The following CHM variants were observed in gnomAD, a reference collection of about 807,000 sequenced individuals.
CHM encodes rab proteins geranylgeranyltransferase component A 1.
CHM carries 10 observed loss-of-function variants against 49.0 expected under a neutral mutation model. The ratio of observed to expected loss-of-function variants is 0.20; its 90% CI spans 0.13 to 0.35. The LOEUF (loss-of-function observed/expected upper bound fraction) is 0.35. CHM is among the 10% of genes least tolerant of loss of function. The pLI is 1.00. For missense variants in CHM, 455 were observed against 478.4 expected (o/e 0.95, Z 0.46); for synonymous variants, 184 against 167.5 (o/e 1.10, Z -0.76).
intron 2 of CHM, among the ~76,000 whole-genome samples, chrX:86,015,452 T>C (rs1370704075): frequency 1.8e-5 from 2 of 111,223 alleles, no homozygotes; most frequent in Non-Finnish European, 1.9e-5. Context: ...ATACAGTAAA[T>C]TGGTACCAGT....
chrX:85,923,589 C>T (rs1247595546), intron 8 of CHM, among the ~76,000 whole-genome samples: 1 of 112,211 alleles, frequency 8.9e-6, no homozygotes, highest in Non-Finnish European at 1.9e-5. Context: ...ATTTGTAGAA[C>T]TAGGTCTACT....
intron 2 of CHM, among the ~76,000 whole-genome samples, chrX:86,005,831 G>T (rs1260043221): frequency 7.2e-5 from 8 of 111,547 alleles, no homozygotes; most frequent in African/African-American, 2.6e-4. Flanking sequence ...TTCTACCAGA[G>T]GTACAAAGAG....
chrX:86,007,997 G>T (rs1459309790), intron 2 of CHM, among the ~76,000 whole-genome samples: 1 of 111,788 alleles, frequency 8.9e-6, no homozygotes, highest in Non-Finnish European at 1.9e-5. Flanking sequence ...GCAAAGACTT[G>T]GAACCCACCC....
intron 14 of CHM, among the ~76,000 whole-genome samples, chrX:85,868,712 TC>T (rs1228667740): frequency 9.0e-6 from 1 of 111,171 alleles, no homozygotes; most frequent in Non-Finnish European, 1.9e-5. Context: ...CCTCTAGAGT[TC>T]CCCCATATAA....
At chrX:85,884,874 G>A (rs1036138863) in intron 12 of CHM, among the ~76,000 whole-genome samples, 16 of 110,962 alleles carry the variant, frequency 1.4e-4, no homozygotes, top group African/African-American at 5.2e-4. Context: ...AAAAGTGGTT[G>A]AGAAGTTGAA....
At chrX:85,986,999 C>G (rs577767586) in intron 2 of CHM, among the ~76,000 whole-genome samples, 1 of 110,091 alleles carries the variant, frequency 9.1e-6, no homozygotes, top group East Asian at 2.8e-4. Flanking sequence ...AGTGGAATAA[C>G]ACAATACAAG....
chrX:85,929,152 C>T (rs1928267669), intron 8 of CHM, among the ~76,000 whole-genome samples: 1 of 111,869 alleles, frequency 8.9e-6, no homozygotes, highest in Non-Finnish European at 1.9e-5. Flanking sequence ...GATGTGTATG[C>T]TCACCAATGG....
At chrX:85,895,076 T>C (rs1469064207) in intron 11 of CHM, among the ~76,000 whole-genome samples, 5 of 110,214 alleles carry the variant, frequency 4.5e-5, no homozygotes, top group African/African-American at 1.6e-4. Context: ...GCATTAATGA[T>C]ACGCTAGATG....
intron 12 of CHM, among the ~76,000 whole-genome samples, chrX:85,889,181 A>G (rs1925284610): frequency 8.9e-6 from 1 of 112,176 alleles, no homozygotes; most frequent in Non-Finnish European, 1.9e-5. Flanking sequence ...AAGTCCTCAA[A>G]AGCAATTGCA....
chrX:85,923,235 C>G (rs1343106430), intron 8 of CHM, among the ~76,000 whole-genome samples: 1 of 112,336 alleles, frequency 8.9e-6, no homozygotes, highest in Non-Finnish European at 1.9e-5. Flanking sequence ...ATAGACTTGC[C>G]ACAAGGATTA....
rs1569388330 is a variant in CHM at position 85,863,252 on chromosome X, C to T, written c.*1378G>A. 9.0e-6 allele frequency: 1 copy of T among 111,363 alleles called. No individual in the cohort carries two copies. Among genetic ancestry groups the T allele is most frequent in the Non-Finnish European group, 1.9e-5 (1 of 53,092 alleles). 9.2% of individuals were successfully genotyped at this position (111,363 alleles called of 1,213,427 possible). A position where few individuals can be genotyped will look rare whatever the true frequency, so the allele number is the denominator to read the frequency against. On this transcript the variant is annotated 3_prime_UTR_variant, in exon 15 of 15. Coordinates refer to ENST00000357749, the MANE Select transcript of CHM (RefSeq NM_000390.4). ...GATTACAGGTGCCCACCATAACACC[C>T]AGCTAAAATTTTGTATTTTTAGTAG...
At chrX:85,905,834 C>G (rs954224876) in intron 9 of CHM, among the ~76,000 whole-genome samples, 1 of 111,292 alleles carries the variant, frequency 9.0e-6, no homozygotes, top group Non-Finnish European at 1.9e-5. Context: ...GGCCAGATTA[C>G]AGAGTCTCAC....
intron 8 of CHM, among the ~76,000 whole-genome samples, chrX:85,925,972 C>T (rs367712117): frequency 2.2e-4 from 25 of 111,120 alleles, no homozygotes; most frequent in African/African-American, 8.2e-4. Flanking sequence ...CCTGCTTTTT[C>T]ACAGGGTCCT....
At chrX:86,037,110 CTTTTT>C (rs1048558599) in intron 1 of CHM, among the ~76,000 whole-genome samples, 22 of 70,779 alleles carry the variant, frequency 3.1e-4, no homozygotes, top group Non-Finnish European at 5.3e-4. Flanking sequence ...CTAATTTTTC[CTTTTT>C]TTTTTTTTTT....
chrX:86,004,012 G>A (rs1025537975), intron 2 of CHM, among the ~76,000 whole-genome samples: 34 of 112,177 alleles, frequency 3.0e-4, no homozygotes, highest in Admixed American at 2.2e-3. Context: ...CAGCCAGAGA[G>A]AAAGGTCAAG....
At chrX:85,954,350 G>A (rs2147660082) in intron 8 of CHM, among the ~76,000 whole-genome samples, 1 of 111,912 alleles carries the variant, frequency 8.9e-6, no homozygotes, top group East Asian at 2.8e-4. Flanking sequence ...TACAACCACT[G>A]TGGAGAACAG....
At chrX:85,996,679 T>C (rs190180788) in intron 2 of CHM, among the ~76,000 whole-genome samples, 199 of 111,567 alleles carry the variant, frequency 1.8e-3, no homozygotes, top group African/African-American at 6.2e-3. Context: ...CTTATATATA[T>C]AGCTTATCTT....
intron 8 of CHM, among the ~76,000 whole-genome samples, chrX:85,914,944 T>A (rs1324836911): frequency 9.0e-6 from 1 of 110,729 alleles, no homozygotes; most frequent in Non-Finnish European, 1.9e-5. Context: ...ACAGGTGAGC[T>A]GAGCCTTGGC....
intron 3 of CHM, among the ~76,000 whole-genome samples, chrX:85,981,358 T>A (rs755468968): frequency 1.6e-3 from 174 of 106,010 alleles, no homozygotes; most frequent in African/African-American, 5.7e-3. Context: ...CTCAGCCTCC[T>A]GAGTAGCTGG....
Sources: gnomAD v4.1 joint callset for allele counts (sites outside exome capture counted in the v4.1 genomes callset) on GRCh38, gnomAD v4.1.1 for gene constraint, MANE v1.5 for transcripts, NCBI Gene and HGNC (gene_info 2026-07-23, HGNC 2026-07-21) for gene names.